The following CCDC57 variants were observed in gnomAD, a reference collection of about 807,000 sequenced individuals.
The protein encoded by CCDC57 is coiled-coil domain containing 57.
In CCDC57, 118 loss-of-function variants were observed where a neutral mutation model predicts 118.9. The observed-to-expected ratio is 0.99, with a 90% CI of 0.86 to 1.16. The LOEUF (loss-of-function observed/expected upper bound fraction) is 1.16, where lower values mean the gene tolerates loss of function less well. Ranked by LOEUF, CCDC57 falls within the 50% of genes most tolerant of loss-of-function variation. The probability of loss-of-function intolerance (pLI) is 0.00; values close to 1 mark genes in which losing one functional copy is unlikely to be tolerated. For missense variants in CCDC57, 1,300 were observed against 1,320.7 expected (o/e 0.98, Z 0.24); for synonymous variants, 527 against 532.9 (o/e 0.99, Z 0.15).
intron 16 of CCDC57, among the ~76,000 whole-genome samples, chr17:82,145,181 T>C (rs2040548161): frequency 6.7e-6 from 1 of 149,374 alleles, no homozygotes; most frequent in African/African-American, 2.5e-5. Context: ...CCCCAACACT[T>C]GGCTAATTTT....
intron 19 of CCDC57, among the ~76,000 whole-genome samples, chr17:82,116,186 G>GA (rs931421660): frequency 1.2e-3 from 153 of 125,192 alleles, no homozygotes; most frequent in African/African-American, 3.5e-3. Context: ...ATTTTTTAAA[G>GA]AAAAAAAAAG....
intron 4 of CCDC57, among the ~76,000 whole-genome samples, chr17:82,198,069 C>A (rs1257137077): frequency 1.3e-5 from 2 of 152,150 alleles, no homozygotes; most frequent in Admixed American, 1.3e-4. Flanking sequence ...CCCTGGAGAA[C>A]CCTGACTAAT....
In CCDC57 at chr17:82,172,074, A is replaced by T. The variant is rs1237340957; in HGVS notation, c.1730-221T>A. Among the ~76,000 whole-genome samples, 1 of 152,138 alleles carries T rather than the reference A, an allele frequency of 6.6e-6. No homozygotes were observed. The highest frequency in any genetic ancestry group is 1.5e-5 in the Non-Finnish European group (1 of 68,006). The stretch of plus-strand genomic sequence containing the variant: ...ACTGGCCAGAGTGTGCCAGCCAGAG[A>T]CCAGCACAGTCTCCATGCTCTCCAG... On this transcript the variant is annotated intron_variant, in intron 12 of 19. Transcript: ENST00000665763. The surrounding 1 kb of genome is among the most constrained non-coding windows in gnomAD (Gnocchi z 5.2).
chr17:82,102,480 G>A (rs1568126603), intron 19 of CCDC57, among the ~76,000 whole-genome samples: 1 of 152,190 alleles, frequency 6.6e-6, no homozygotes, highest in Non-Finnish European at 1.5e-5. Flanking sequence ...TTCGCAGAGG[G>A]GTGTTGTAGG....
chr17:82,123,714 C>T (rs1598713150), intron 19 of CCDC57, among the ~76,000 whole-genome samples: 1 of 151,610 alleles, frequency 6.6e-6, no homozygotes, highest in African/African-American at 2.4e-5. Context: ...CAGTAACAGA[C>T]AAAAAAATAA....
intron 16 of CCDC57, among the ~76,000 whole-genome samples, chr17:82,144,592 G>A (rs921872936): frequency 2.0e-5 from 3 of 152,110 alleles, no homozygotes; most frequent in Non-Finnish European, 4.4e-5. Context: ...TGGTAAACAG[G>A]GAACCGAGGT....
At chr17:82,161,272 G>C (rs1044222312) in intron 14 of CCDC57, among the ~76,000 whole-genome samples, 4 of 152,286 alleles carry the variant, frequency 2.6e-5, no homozygotes, top group African/African-American at 9.6e-5. Flanking sequence ...TCGTGTGGCT[G>C]CTGGGGAAAA....
intron 19 of CCDC57, among the ~76,000 whole-genome samples, chr17:82,115,792 C>CATTT (rs2035813580): frequency 1.5e-5 from 1 of 65,666 alleles, no homozygotes; most frequent in Non-Finnish European, 2.8e-5. Flanking sequence ...TTTATGCAAC[C>CATTT]TTTTTTTTTT....
intron 19 of CCDC57, among the ~76,000 whole-genome samples, chr17:82,109,986 T>G (rs1365353262): frequency 6.9e-6 from 1 of 145,426 alleles, no homozygotes; most frequent in Non-Finnish European, 1.5e-5. Context: ...AGAAGTCTGT[T>G]TTTTTTTTTT....
At chr17:82,113,854 G>T in intron 19 of CCDC57, 2 of 585,756 alleles carry the variant, frequency 3.4e-6, no homozygotes. Flanking sequence ...ACAAAGGCAG[G>T]AGGATCACTT....
At chr17:82,184,326 C>T (rs1388469695) in intron 8 of CCDC57, among the ~76,000 whole-genome samples, 1 of 152,146 alleles carries the variant, frequency 6.6e-6, no homozygotes, top group East Asian at 1.9e-4. Context: ...GACCAAGTCA[C>T]CCTCATGTCC....
intron 19 of CCDC57, among the ~76,000 whole-genome samples, chr17:82,116,102 C>CTTTTTTT (rs34960755): frequency 7.8e-6 from 1 of 127,824 alleles, no homozygotes; most frequent in Non-Finnish European, 1.6e-5. Flanking sequence ...CGGCCACAAC[C>CTTTTTTT]TTTTTTTTTT....
chr17:82,135,907 A>AT (rs2039093535), intron 16 of CCDC57, among the ~76,000 whole-genome samples: 1 of 152,158 alleles, frequency 6.6e-6, no homozygotes, highest in South Asian at 2.1e-4. Context: ...TTTAAAAGAA[A>AT]TTTTTTTAAA....
chr17:82,104,937 A>G (rs74336532), intron 19 of CCDC57: 7,613 of 152,252 alleles, frequency 0.05, 268 homozygotes, highest in African/African-American at 0.099. Flanking sequence ...GGGCATGAGA[A>G]CTCTGAGCAC....
intron 19 of CCDC57, chr17:82,127,011 C>T: frequency 2.0e-6 from 2 of 985,420 alleles, no homozygotes; most frequent in Non-Finnish European, 2.4e-6. Context: ...TCCCTCCCCC[C>T]TTCTCGCTAC....
intron 16 of CCDC57, among the ~76,000 whole-genome samples, chr17:82,144,640 T>C (rs1207862583): frequency 6.6e-6 from 1 of 152,256 alleles, no homozygotes; most frequent in African/African-American, 2.4e-5. Flanking sequence ...ATCAACTGTT[T>C]CATAAAATGT....
At chr17:82,207,068 G>A (rs2146996029) in intron 2 of CCDC57, among the ~76,000 whole-genome samples, 1 of 152,300 alleles carries the variant, frequency 6.6e-6, no homozygotes. Flanking sequence ...TTAGGGCCAG[G>A]TGCAGTGACT....
At chr17:82,123,122 CT>C (rs34869339) in intron 19 of CCDC57, among the ~76,000 whole-genome samples, 177 of 105,762 alleles carry the variant, frequency 1.7e-3, no homozygotes, top group East Asian at 4.8e-3. Flanking sequence ...CTCCTAATAA[CT>C]TTTTTTTTTT....
chr17:82,104,233 T>G (rs1266448915), intron 19 of CCDC57, among the ~76,000 whole-genome samples: 1 of 152,260 alleles, frequency 6.6e-6, no homozygotes, highest in Non-Finnish European at 1.5e-5. Flanking sequence ...CTTTCTGCGT[T>G]GGGCTGACTG....
Sources: gnomAD v4.1 joint callset for allele counts (sites outside exome capture counted in the v4.1 genomes callset) on GRCh38, gnomAD v4.1.1 for gene constraint, Gnocchi (gnomAD v3.1) non-coding constraint, MANE v1.5 for transcripts, NCBI Gene and HGNC (gene_info 2026-07-23, HGNC 2026-07-21) for gene names.